The following MIA3 variants were observed in gnomAD, a reference collection of about 807,000 sequenced individuals.
MIA3 encodes MIA SH3 domain ER export factor 3, also known as transport and Golgi organization protein 1 homolog.
MIA3 carries 90 observed loss-of-function variants against 192.4 expected under a neutral mutation model. The ratio of observed to expected loss-of-function variants is 0.47; its 90% confidence interval spans 0.39 to 0.56. The LOEUF is 0.56. Among genes scored for constraint, MIA3 ranks in the 20% least tolerant of loss-of-function variants. MIA3 has a pLI of 0.00. For synonymous variants in MIA3, 740 were observed against 792.8 expected, an observed-to-expected ratio of 0.93 and a Z score of 1.12; for missense variants, 2,123 against 2,269.4, an observed-to-expected ratio of 0.94 and a Z score of 1.31.
chr1:222,635,641 T>C (rs1348887334), intron 6 of MIA3, among the ~76,000 whole-genome samples: 4 of 152,212 alleles, frequency 2.6e-5, no homozygotes, highest in Non-Finnish European at 5.9e-5. Context: ...GTAGTTCATA[T>C]AGATAATTGT....
chr1:222,665,123 C>T (rs915622624), intron 27 of MIA3, 186 bp from the exon 28 acceptor site: 18 of 562,988 alleles, frequency 3.2e-5, no homozygotes, highest in South Asian at 4.2e-5. Flanking sequence ...TGATTGAGTC[C>T]GGGAGATTGA....
chr1:222,636,197 T>C (rs1662615895), intron 6 of MIA3, among the ~76,000 whole-genome samples: 1 of 152,194 alleles, frequency 6.6e-6, no homozygotes, highest in Admixed American at 6.5e-5. Context: ...TTAGCCATTG[T>C]AGTGGGTATG....
At position 222,662,118 on chromosome 1, in the gene MIA3, CCTT is replaced by C. The variant is rs765176162; in HGVS notation, c.5179_5181del (p.Ser1727del). 17 of 1,614,014 alleles carry C rather than the reference CCTT, an allele frequency of 1.1e-5. No homozygotes were observed. The Admixed American group carries it at 1.8e-4, about 17-fold the overall frequency. On this transcript the variant is annotated inframe_deletion, in exon 25 of 28. Coordinates refer to ENST00000344922, the MANE Select transcript of MIA3 (RefSeq NM_198551.4). ...AGCTGAGGCATCTGGGAAACCCTCT[CCTT>C]CTGGTAAGGGAGCAAGAGTGTTCAA... is the stretch of plus-strand genomic sequence containing the variant.
chr1:222,624,647 A>G, intron 2 of MIA3, 121 bp from the exon 3 acceptor site: 1 of 614,712 alleles, frequency 1.6e-6, no homozygotes, highest in East Asian at 3.1e-5. Context: ...AAGTAATGAC[A>G]TTACAAGAAA....
At chr1:222,636,596 TC>T in intron 6 of MIA3, among the ~76,000 whole-genome samples, 1 of 140,162 alleles carries the variant, frequency 7.1e-6, no homozygotes, top group East Asian at 2.3e-4. Flanking sequence ...CATTGCAACC[TC>T]CACCTCCCGG....
At chr1:222,618,363 T>G (rs1459200712) in intron 1 of MIA3, 120 bp downstream of exon 1, 6 of 1,038,302 alleles carry the variant, frequency 5.8e-6, no homozygotes, top group Non-Finnish European at 7.4e-6. Context: ...CCGCAGCCCC[T>G]GGCCGGCCCG....
At chr1:222,641,468 C>A in intron 6 of MIA3, 1 of 498,750 alleles carries the variant, frequency 2.0e-6, no homozygotes, top group South Asian at 1.5e-5. Flanking sequence ...GCTGAATCGT[C>A]TGGCTCATCA....
chr1:222,655,292 T>C (rs1340393921), intron 18 of MIA3, among the ~76,000 whole-genome samples: 1 of 152,240 alleles, frequency 6.6e-6, no homozygotes, highest in East Asian at 1.9e-4. Flanking sequence ...ATTAGGAGTT[T>C]TGAATGTAGA....
rs1218356591 is a variant in MIA3 at position 222,659,522 on chromosome 1, T to A, written c.4770+9T>A. On this transcript the variant is annotated intron_variant, in intron 20 of 27. Transcript: ENST00000344922. ...GGTCATTTAAAAACCAGGTAATAAT[T>A]CTAGTGCCCTACTATATAGTGCCCG... The A allele has an allele frequency of 1.2e-6, 2 of 1,613,240 alleles. No homozygotes were observed. The highest frequency in any genetic ancestry group is 3.3e-5 in the Admixed American group (2 of 60,008).
intron 1 of MIA3, 132 bp downstream of exon 1, chr1:222,618,375 G>T (rs1338762465): frequency 3.1e-6 from 3 of 974,912 alleles, no homozygotes; most frequent in East Asian, 3.5e-5. Context: ...GCCGGCCCGG[G>T]GGTCGCAGGC....
chr1:222,629,165 C>A lies in MIA3; in HGVS notation c.1945C>A (p.Pro649Thr), dbSNP rs748851445. The change falls in exon 4 of 28, where the codon CCC becomes ACC. Residue 649 changes from proline to threonine, a missense_variant. Pro to Thr is a conservative substitution (Grantham distance 38, BLOSUM62 -1). Coordinates refer to ENST00000344922, the MANE Select transcript of MIA3 (RefSeq NM_198551.4). ...GCCCAGAGAACTGGAAGACGAGGTTCCCATTCTGGGAAGAAATCTTCCCTG... is the reference window on the plus strand; with the variant it reads ...GCCCAGAGAACTGGAAGACGAGGTTACCATTCTGGGAAGAAATCTTCCCTG... ...DLPRELEDEV[P>T]ILGRNLPWQQ... is the part of the protein sequence containing the mutation. 21 of 1,613,970 alleles carry A rather than the reference C, an allele frequency of 1.3e-5. No homozygotes were observed. The highest frequency in any genetic ancestry group is 1.8e-5 in the Non-Finnish European group (21 of 1,180,012).
intron 19 of MIA3, 88 bp downstream of exon 19, chr1:222,658,911 A>G: frequency 1.2e-6 from 1 of 825,970 alleles, no homozygotes; most frequent in Admixed American, 2.5e-5. Flanking sequence ...ATAAGTGGTT[A>G]GAGGACATGA....
intron 27 of MIA3, 162 bp from the exon 28 acceptor site, chr1:222,665,147 C>A (rs961602285): frequency 1.7e-6 from 1 of 593,710 alleles, no homozygotes; most frequent in African/African-American, 2.1e-5. Flanking sequence ...TGCAGTGAGC[C>A]ATGATCACTC....
chr1:222,630,535 G>A, intron 4 of MIA3, 146 bp downstream of exon 4: 1 of 739,140 alleles, frequency 1.4e-6, no homozygotes, highest in Non-Finnish European at 2.1e-6. Flanking sequence ...GTTCCTTCCT[G>A]CCATCTTTCT....
In MIA3 at chr1:222,624,826, C is replaced by T. The variant is rs553838790; in HGVS notation, c.326C>T (p.Thr109Ile). 3.1e-6 allele frequency: 5 copies of T among 1,598,530 alleles called. No individual in the cohort carries two copies. In the South Asian group the frequency reaches 5.5e-5, roughly 18 times the overall value. The change falls in exon 3 of 28, where the codon ACC becomes ATC. Residue 109 changes from threonine (T) to isoleucine (I), a missense_variant. Thr to Ile is a moderately conservative substitution (Grantham distance 89). This residue lies in a region of MIA3 where 1,357 missense variants were observed against 1,396.1 expected (regional missense o/e 0.97). Coordinates refer to ENST00000344922, the MANE Select transcript of MIA3 (RefSeq NM_198551.4). ...TTAATCCAGGTAGTTCATGAATATA[C>T]CAAAGAAGAGCTACAAGTTCCAACA... ...KDLIQVVHEY[T>I]KEELQVPTDE...
intron 7 of MIA3, among the ~76,000 whole-genome samples, chr1:222,648,147 C>A (rs891241676): frequency 1.3e-5 from 2 of 152,084 alleles, no homozygotes; most frequent in African/African-American, 4.8e-5. Context: ...GATTTGGGTG[C>A]CCTTTCAGGA....
At chr1:222,660,131 A>G (rs1462512419) in intron 23 of MIA3, 46 bp from the exon 24 acceptor site, 2 of 1,596,786 alleles carry the variant, frequency 1.3e-6, no homozygotes, top group Admixed American at 1.8e-5. Flanking sequence ...CTGAATAAAG[A>G]AAAAAAGGCT....
At chr1:222,632,407 G>A (rs1662440169) in intron 5 of MIA3, 81 bp downstream of exon 5, 1 of 1,232,820 alleles carries the variant, frequency 8.1e-7, no homozygotes. Context: ...AAAGGCAGGA[G>A]CTAGAGACTT....
At chr1:222,663,918 G>A (rs1558200066) in intron 26 of MIA3, 80 bp from the exon 27 acceptor site, 1 of 1,330,860 alleles carries the variant, frequency 7.5e-7, no homozygotes, top group Non-Finnish European at 1.0e-6. Flanking sequence ...TGCTTCATTG[G>A]GTTTTAGTTT....
Sources: allele counts gnomAD v4.1 joint callset (sites outside exome capture counted in the v4.1 genomes callset), GRCh38; gene constraint gnomAD v4.1.1; regional missense constraint gnomAD v4.1.1; transcripts MANE v1.5; gene names NCBI Gene and HGNC (gene_info 2026-07-23, HGNC 2026-07-21).